HYCC1: variants seen among roughly 807,000 people sequenced by gnomAD.
HYCC1 encodes the protein hyccin PI4KA lipid kinase complex subunit 1.
chr7:22,916,101 A>C, the HYCC1 span, among the ~76,000 whole-genome samples: 1 of 152,158 alleles, frequency 6.6e-6, no homozygotes, highest in African/African-American at 2.4e-5. Flanking sequence ...CCAATATCCC[A>C]TCCCACAGCA....
chr7:22,968,374 A>G, the HYCC1 span, among the ~76,000 whole-genome samples: 8 of 152,192 alleles, frequency 5.3e-5, no homozygotes, highest in African/African-American at 1.9e-4. Flanking sequence ...CCATACCAAC[A>G]AGGGCAATAC....
the HYCC1 span, chr7:22,947,019 A>G: frequency 2.0e-5 from 31 of 1,549,854 alleles, no homozygotes; most frequent in African/African-American, 4.1e-4. Context: ...TCCATCCTCC[A>G]TCATTTTTCT....
the HYCC1 span, among the ~76,000 whole-genome samples, chr7:22,927,507 C>T: frequency 1.3e-5 from 2 of 152,114 alleles, no homozygotes; most frequent in East Asian, 1.9e-4. Context: ...GGGGATATCA[C>T]CACCAATCCC....
chr7:23,009,784 C>T, the HYCC1 span, among the ~76,000 whole-genome samples: 4 of 152,122 alleles, frequency 2.6e-5, no homozygotes, highest in Admixed American at 2.6e-4. Context: ...ATTTTATCCT[C>T]CAGTGTATTT....
the HYCC1 span, chr7:22,983,819 A>G: frequency 3.0e-6 from 2 of 674,442 alleles, no homozygotes; most frequent in East Asian, 5.5e-5. Flanking sequence ...GGTACACTAG[A>G]GTTCATTTCA....
the HYCC1 span, among the ~76,000 whole-genome samples, chr7:22,997,791 A>T: frequency 1.3e-5 from 2 of 152,166 alleles, no homozygotes; most frequent in African/African-American, 4.8e-5. Context: ...CCAAAGGCCT[A>T]TTACTTAGGC....
At chr7:22,896,153 T>C in the HYCC1 span, among the ~76,000 whole-genome samples, 1 of 152,196 alleles carries the variant, frequency 6.6e-6, no homozygotes, top group Non-Finnish European at 1.5e-5. Context: ...TAAAATTGTA[T>C]AATTACTTAA....
At chr7:23,001,067 C>T in the HYCC1 span, among the ~76,000 whole-genome samples, 1 of 152,068 alleles carries the variant, frequency 6.6e-6, no homozygotes, top group South Asian at 2.1e-4. Flanking sequence ...CAACTGGCAT[C>T]ATTGGGAATA....
the HYCC1 span, among the ~76,000 whole-genome samples, chr7:23,010,997 T>C: frequency 1.3e-5 from 2 of 152,212 alleles, no homozygotes; most frequent in Non-Finnish European, 2.9e-5. Context: ...AAGTTACCTA[T>C]GGACTCCTGA....
chr7:22,908,943 C>A, the HYCC1 span, among the ~76,000 whole-genome samples: 1 of 152,150 alleles, frequency 6.6e-6, no homozygotes, highest in Non-Finnish European at 1.5e-5. Context: ...CCAATAAAAA[C>A]TCTGTGCATT....
chr7:22,993,090 T>C, the HYCC1 span, among the ~76,000 whole-genome samples: 6 of 152,060 alleles, frequency 3.9e-5, no homozygotes, highest in Admixed American at 1.3e-4. Flanking sequence ...CACACATATA[T>C]GGTCACCTGA....
chr7:22,900,466 T>C, the HYCC1 span, among the ~76,000 whole-genome samples: 1 of 152,172 alleles, frequency 6.6e-6, no homozygotes, highest in Non-Finnish European at 1.5e-5. Flanking sequence ...GGTCTAAAGG[T>C]AGTGATTAAA....
At chr7:22,945,154 G>A in the HYCC1 span, 81,719 of 210,080 alleles carry the variant, frequency 0.39, 16,243 homozygotes, top group East Asian at 0.5. Context: ...CTATAAAACA[G>A]TTCCCATACA....
chr7:22,908,598 C>T, the HYCC1 span, among the ~76,000 whole-genome samples: 2 of 152,284 alleles, frequency 1.3e-5, no homozygotes, highest in East Asian at 1.9e-4. Context: ...ATCAGTGATT[C>T]TCCATCTGAC....
At chr7:23,013,645 G>T in the HYCC1 span, among the ~76,000 whole-genome samples, 9 of 152,068 alleles carry the variant, frequency 5.9e-5, no homozygotes, top group East Asian at 1.8e-3. Context: ...GCACAAAGCT[G>T]CCGCCCTCCA....
chr7:22,922,115 A>ATAATCTAACTTTATGAATAATAAAGT, the HYCC1 span, among the ~76,000 whole-genome samples: 419 of 91,048 alleles, frequency 4.6e-3, 1 homozygote, highest in Non-Finnish European at 8.0e-3. Context: ...ATCAAACGGC[A>ATAATCTAACTTTATGAATAATAAAGT]TAATCTAACT....
chr7:22,936,580 T>C, the HYCC1 span: 2 of 152,354 alleles, frequency 1.3e-5, no homozygotes, highest in South Asian at 2.1e-4. Context: ...TTTTAAGAAG[T>C]CCAATATGTT....
chr7:22,957,064 G>A, the HYCC1 span, among the ~76,000 whole-genome samples: 205 of 151,966 alleles, frequency 1.3e-3, no homozygotes, highest in African/African-American at 4.7e-3. Context: ...ATTTTAAAAT[G>A]TAAACAATTA....
At chr7:23,011,069 G>A in the HYCC1 span, among the ~76,000 whole-genome samples, 1 of 152,150 alleles carries the variant, frequency 6.6e-6, no homozygotes, top group South Asian at 2.1e-4. Flanking sequence ...ATTCAAAATT[G>A]TTAACCTGTT....
Sources: allele counts gnomAD v4.1 joint callset (sites outside exome capture counted in the v4.1 genomes callset), GRCh38; gene constraint gnomAD v4.1.1; transcripts MANE v1.5; gene names NCBI Gene and HGNC (gene_info 2026-07-23, HGNC 2026-07-21).